Variants in FCMR observed in about 807,000 individuals in gnomAD.
FCMR encodes the protein Fc mu receptor.
Under a neutral mutation model 41.6 loss-of-function variants are expected in FCMR, and 34 were observed. The observed-to-expected ratio is 0.82, with a 90% confidence interval of 0.62 to 1.09. The LOEUF (loss-of-function observed/expected upper bound fraction) is 1.09. Ranked by LOEUF, FCMR falls within the 50% of genes least tolerant of loss-of-function variation. FCMR has a pLI of 0.00. For synonymous variants in FCMR, 209 were observed against 211.8 expected (o/e 0.99, Z 0.12); for missense variants, 496 against 512.5 (o/e 0.97, Z 0.31).
chr1:206,917,783 T>C (rs1442564870), intron 1 of FCMR: 1 of 451,932 alleles, frequency 2.2e-6, no homozygotes, highest in South Asian at 1.6e-5. Flanking sequence ...CCTGCCACCA[T>C]GTGTGGCGAA....
In FCMR at chr1:206,909,550, G is replaced by A; in HGVS notation, c.986-30C>T. ...GGAACAGCGAGGGCGAGGTGAGGCGGCGGCCGAGGCTCCCGCCCCACCGTC... is the reference window on the plus strand; with the variant it reads ...GGAACAGCGAGGGCGAGGTGAGGCGACGGCCGAGGCTCCCGCCCCACCGTC... On this transcript the variant is annotated intron_variant, in intron 6 of 7. Transcript: ENST00000367091. This position sits in a 1 kb window ranked among gnomAD's most constrained non-coding sequence, Gnocchi z 5.0. 7.6e-7 allele frequency: 1 copy of A among 1,316,924 alleles called. No homozygotes were observed. Among genetic ancestry groups the A allele is most frequent in the Non-Finnish European group, 9.7e-7 (1 of 1,033,306 alleles). 81.6% of individuals were successfully genotyped at this position (1,316,924 alleles called of 1,614,324 possible).
At chr1:206,910,478 C>T (rs1371198959) in intron 4 of FCMR, 138 bp from the exon 5 acceptor site, 3 of 593,938 alleles carry the variant, frequency 5.1e-6, no homozygotes, top group Non-Finnish European at 7.8e-6. Flanking sequence ...ACTCCACTCC[C>T]CCCTCAAAAA....
chr1:206,920,318 G>C (rs965159476), intron 1 of FCMR, among the ~76,000 whole-genome samples: 2 of 152,096 alleles, frequency 1.3e-5, no homozygotes, highest in Non-Finnish European at 2.9e-5. Context: ...AGCCTGTCAC[G>C]ATAGTGCGCA....
Position 206,914,088 on chromosome 1 carries a change from C to T in FCMR, c.44G>A (p.Gly15Glu). The stretch of plus-strand genomic sequence containing the variant: ...TACTTCTGGGAGGATCCTCAGGGCC[C>T]CCGATACTGCAGGGAGAGGAGATTA... ...LWPLYFLPVS[G>E]ALRILPEVKV... is the part of the protein sequence containing the mutation. The change falls in exon 2 of 8, where the codon GGG (glycine) becomes GAG (glutamate). Residue 15 changes from glycine to glutamate, a missense_variant. By Grantham distance (98) the Gly-to-Glu change is moderately conservative (BLOSUM62 -2). Transcript: ENST00000367091. 1.2e-6 allele frequency: 2 copies of T among 1,612,828 alleles called. No homozygotes were observed. The highest frequency in any genetic ancestry group is 2.2e-5 in the East Asian group (1 of 44,866).
At chr1:206,922,678 G>A (rs1163191324), upstream of FCMR, among the ~76,000 whole-genome samples, 2 of 152,238 alleles carry the variant, frequency 1.3e-5, no homozygotes, top group African/African-American at 4.8e-5. Flanking sequence ...CAGAACTGGG[G>A]TGTGACAGGT....
Position 206,909,634 on chromosome 1 carries a change from C to T in FCMR, c.985+91G>A. On this transcript the variant is annotated intron_variant, in intron 6 of 7. Transcript: ENST00000367091. This position sits in a 1 kb window ranked among gnomAD's most constrained non-coding sequence, Gnocchi z 5.0. ...TCCCAGCTCCACCCTGTGGGAAGCC[C>T]TGGCACCTGGGAGCGCGCCCCGCTG... 7.5e-7 allele frequency: 1 copy of T among 1,335,446 alleles called. No individual in the cohort carries two copies. Among genetic ancestry groups the T allele is most frequent in the Non-Finnish European group, 9.6e-7 (1 of 1,042,006 alleles). The allele number at this position is 1,335,446 out of a possible 1,614,324, so 82.7% of individuals were successfully genotyped here.
chr1:206,917,764 T>C, intron 1 of FCMR: 2 of 450,934 alleles, frequency 4.4e-6, no homozygotes, highest in South Asian at 1.6e-5. Context: ...ATAGCTGAGA[T>C]CACAGGCGCC....
intron 2 of FCMR, 37 bp from the exon 3 acceptor site, chr1:206,913,079 G>T (rs1679015040): frequency 6.7e-7 from 1 of 1,493,910 alleles, no homozygotes; most frequent in Non-Finnish European, 9.3e-7. Flanking sequence ...GTGGTCTCTA[G>T]GGGGAGACTG....
rs573888368 is a variant in FCMR at position 206,919,678 on chromosome 1, G to C, written c.37+2140C>G. On this transcript the variant is annotated intron_variant, in intron 1 of 7. Transcript: ENST00000367091. ...GTGCTCACCCTGTGGGCATGGGCAT[G>C]ACTGGAGAAGGGTGGAGCCCATAGC... Among the ~76,000 whole-genome samples, 7 of 152,298 alleles carry C rather than the reference G, an allele frequency of 4.6e-5. No individual in the cohort carries two copies. The South Asian group carries it at 1.4e-3, about 32-fold the overall frequency.
chr1:206,913,144 T>C lies in FCMR; in HGVS notation c.374-102A>G. The stretch of plus-strand genomic sequence containing the variant: ...GCCAAAGTGGATGACAGTGAGGGGA[T>C]GAGGGCAGGGTCCACTGAAAGAAGC... On this transcript the variant is annotated intron_variant, in intron 2 of 7. Transcript: ENST00000367091. The C allele has an allele frequency of 3.4e-6, 3 of 877,508 alleles. No homozygotes were observed. In the East Asian group the frequency reaches 7.4e-5, roughly 22 times the overall value. The allele number at this position is 877,508 out of a possible 1,614,324, so 54.4% of individuals were successfully genotyped here. A position where few individuals can be genotyped will look rare whatever the true frequency, so the allele number is the denominator to read the frequency against.
Position 206,904,650 on chromosome 1 carries a change from G to T in FCMR, c.*369C>A. On this transcript the variant is annotated 3_prime_UTR_variant, in exon 8 of 8. Transcript: ENST00000367091. ...TGCCCGAGACAATAGCTATGCCTCT[G>T]CCCCAGCCTGATGCCATGTGATCTA... is the stretch of plus-strand genomic sequence containing the variant. 3.8e-6 allele frequency: 1 copy of T among 266,660 alleles called. No homozygotes were observed. The highest frequency in any genetic ancestry group is 2.2e-5 in the African/African-American group (1 of 45,906). 16.5% of individuals were successfully genotyped at this position (266,660 alleles called of 1,614,324 possible). A position where few individuals can be genotyped will look rare whatever the true frequency, so the allele number is the denominator to read the frequency against.
At position 206,909,844 on chromosome 1, in the gene FCMR, A is replaced by G; in HGVS notation, c.866T>C (p.Leu289Pro). 1 of 1,386,748 alleles carries G rather than the reference A, an allele frequency of 7.2e-7. No individual in the cohort carries two copies. The highest frequency in any genetic ancestry group is 1.7e-5 in the South Asian group (1 of 60,196). The allele number at this position is 1,386,748 out of a possible 1,614,324, so 85.9% of individuals were successfully genotyped here. ...CTCCAGGGCGCGCATCCTCACGGCC[A>G]GTCGGCGGGCCCGCCTGGAGAGGGC... ...RKALSRRARR[L>P]AVRMRALESS... Residue 289 changes from leucine to proline, a missense_variant, in exon 6 of 8, where the codon CTG (leucine) becomes CCG (proline). By Grantham distance (98) the Leu-to-Pro change is moderately conservative. Transcript: ENST00000367091. The surrounding 1 kb of genome is among the most constrained non-coding windows in gnomAD (Gnocchi z 5.0).
chr1:206,911,721 G>A lies in FCMR; in HGVS notation c.710+9C>T, dbSNP rs773329954. On this transcript the variant is annotated intron_variant, in intron 4 of 7. Transcript: ENST00000367091. ...GCCTAACTCTAGATCCTGGACAGTG[G>A]TCTCTTACCTCTGCCTGTGCAGCCT... 8.1e-6 allele frequency: 13 copies of A among 1,609,500 alleles called. No homozygotes were observed. The African/African-American group carries it at 1.6e-4, about 20-fold the overall frequency.
At position 206,912,576 on chromosome 1, in the gene FCMR, A is replaced by G. The variant is rs540667828; in HGVS notation, c.487+353T>C. 2.0e-5 allele frequency among the ~76,000 whole-genome samples: 3 copies of G among 152,384 alleles called. No individual in the cohort carries two copies. The South Asian group carries it at 6.2e-4, about 32-fold the overall frequency. On this transcript the variant is annotated intron_variant, in intron 3 of 7. Transcript: ENST00000367091. Reference sequence around the variant, plus strand: ...AAGACAGCCCTACGGGAAGCACGAGACATGATGATCTCCAGCTGGGAAATG... The same window carrying G: ...AAGACAGCCCTACGGGAAGCACGAGGCATGATGATCTCCAGCTGGGAAATG...
intron 1 of FCMR, among the ~76,000 whole-genome samples, chr1:206,916,911 G>A (rs141829505): frequency 4.6e-5 from 7 of 152,176 alleles, no homozygotes; most frequent in South Asian, 4.1e-4. Context: ...CTGCAATCCT[G>A]GGCTATATAA....
rs1401813006 is a variant in FCMR, at chr1:206,905,128, A to G, written c.1064T>C (p.Leu355Pro). The G allele has an allele frequency of 6.2e-7, 1 of 1,614,002 alleles. No homozygotes were observed. The highest frequency in any genetic ancestry group is 8.5e-7 in the Non-Finnish European group (1 of 1,180,026). The change falls in exon 8 of 8, where the codon CTC becomes CCC. Residue 355 changes from leucine (L) to proline (P), a missense_variant. Physicochemically the swap from Leu to Pro is moderately conservative, Grantham distance 98. Transcript: ENST00000367091. ...GCTGGTCTTCAGAGATGGGGCATGG[A>G]GCCAGGGAGATTCAGACACCTGGGG... is the stretch of plus-strand genomic sequence containing the variant. ...APLQVSESPWLHAPSLKTSCE... is the reference protein window; with the variant it reads ...APLQVSESPWPHAPSLKTSCE...
intron 1 of FCMR, among the ~76,000 whole-genome samples, chr1:206,914,315 TTCCTTCC>T (rs1679086748): frequency 1.4e-4 from 1 of 7,054 alleles, no homozygotes; most frequent in Non-Finnish European, 3.2e-4. Flanking sequence ...TTTTCTTTCC[TTCCTTCC>T]TTCCTTCCTT....
At chr1:206,912,435 T>C (rs1678982776) in intron 3 of FCMR, among the ~76,000 whole-genome samples, 1 of 152,226 alleles carries the variant, frequency 6.6e-6, no homozygotes, top group East Asian at 1.9e-4. Flanking sequence ...ATATTGCATG[T>C]CAAAATGCAT....
Position 206,913,751 on chromosome 1 carries a change from G to T in FCMR, c.373+8C>A. On this transcript the variant is annotated splice_region_variant and intron_variant, in intron 2 of 7. Transcript: ENST00000367091. The stretch of plus-strand genomic sequence containing the variant: ...TAGTCTGAGCCTCCAATCAGCGGAG[G>T]AACCTACCACTGTGGACATTCAGGG... The T allele has an allele frequency of 6.2e-7, 1 of 1,610,756 alleles. No homozygotes were observed. Among genetic ancestry groups the T allele is most frequent in the Non-Finnish European group, 8.5e-7 (1 of 1,177,106 alleles).
Sources: allele counts gnomAD v4.1 joint callset (sites outside exome capture counted in the v4.1 genomes callset), GRCh38; gene constraint gnomAD v4.1.1; non-coding constraint Gnocchi (gnomAD v3.1); transcripts MANE v1.5; gene names NCBI Gene and HGNC (gene_info 2026-07-23, HGNC 2026-07-21).